The following INTU variants were observed in gnomAD, a reference collection of about 807,000 sequenced individuals.
INTU encodes inturned planar cell polarity protein, also known as protein inturned.
Under a neutral mutation model 100.5 loss-of-function variants are expected in INTU, and 68 were observed. The ratio of observed to expected loss-of-function variants is 0.68; its 90% CI spans 0.56 to 0.83. The LOEUF (loss-of-function observed/expected upper bound fraction) is 0.83, where lower values mean the gene tolerates loss of function less well. INTU is among the 40% of genes least tolerant of loss of function. INTU has a pLI of 0.00. For missense variants in INTU, 1,071 were observed against 1,114.7 expected (o/e 0.96, Z 0.56); for synonymous variants, 357 against 395.7 (o/e 0.90, Z 1.16).
intron 1 of INTU, among the ~76,000 whole-genome samples, chr4:127,640,456 A>G (rs1727261350): frequency 6.7e-6 from 1 of 149,572 alleles, no homozygotes. Flanking sequence ...AAAATGATGT[A>G]TATTTAGAAA....
chr4:127,686,307 T>G (rs1162444477), intron 7 of INTU: 1 of 152,218 alleles, frequency 6.6e-6, no homozygotes, highest in African/African-American at 2.4e-5. Context: ...CTCCAATCTG[T>G]CCATTTCTCT....
rs910073522 is a variant in INTU at position 127,704,305 on chromosome 4, G to A, written c.1566+15G>A. 6.3e-7 allele frequency: 1 copy of A among 1,591,918 alleles called. No homozygotes were observed. Among genetic ancestry groups the A allele is most frequent in the Admixed American group, 1.7e-5 (1 of 59,488 alleles). ...TATTTTACAAGGTAAGTTGAAGCTT[G>A]AAGTCTAAATGTCCAGCTGCTGTAT... is the stretch of plus-strand genomic sequence containing the variant. On this transcript the variant is annotated intron_variant, in intron 10 of 15. Transcript: ENST00000335251.
chr4:127,666,313 T>C (rs973633032), intron 4 of INTU, among the ~76,000 whole-genome samples: 9 of 152,144 alleles, frequency 5.9e-5, no homozygotes, highest in African/African-American at 2.2e-4. Context: ...GATTCTCACT[T>C]GTAATGGTTT....
At chr4:127,655,559 T>C (rs1217854511) in intron 2 of INTU, among the ~76,000 whole-genome samples, 2 of 151,702 alleles carry the variant, frequency 1.3e-5, no homozygotes, top group Non-Finnish European at 2.9e-5. Context: ...AGGGACCCAC[T>C]TGAGGAGGCA....
intron 4 of INTU, 57 bp from the exon 5 acceptor site, chr4:127,668,979 C>T: frequency 1.3e-6 from 1 of 760,086 alleles, no homozygotes; most frequent in Non-Finnish European, 2.2e-6. Context: ...TGAACTTGCC[C>T]TGACAAAGAT....
rs111641728 is a variant in INTU, at chr4:127,708,619, T to C, written c.2320T>C (p.Leu774=). Residue 774 remains leucine, a synonymous_variant, in exon 13 of 16, where the codon TTG becomes CTG. Coordinates refer to ENST00000335251, the MANE Select transcript of INTU (RefSeq NM_015693.4). ...TCCAAATCCATTTCATTTGGGAAAC[T>C]TGAAAAAGGACCTTCCAGAAAAAGA... ...TLPNPFHLGN[L]KKDLPEKELE... is the part of the protein sequence containing the mutation. 2.0e-5 allele frequency: 32 copies of C among 1,599,602 alleles called. No homozygotes were observed. The African/African-American group carries it at 4.2e-4, about 21-fold the overall frequency.
intron 1 of INTU, among the ~76,000 whole-genome samples, chr4:127,635,900 A>G (rs908403150): frequency 1.3e-5 from 2 of 152,052 alleles, no homozygotes; most frequent in Admixed American, 1.3e-4. Context: ...TGCAGTATGA[A>G]TGTTCTTTTT....
At chr4:127,633,539 C>T (rs974874169) in intron 1 of INTU, among the ~76,000 whole-genome samples, 9 of 152,092 alleles carry the variant, frequency 5.9e-5, no homozygotes, top group African/African-American at 2.2e-4. Flanking sequence ...TTTGGTGTGA[C>T]CTTTGTGGCT....
Position 127,633,020 on chromosome 4 carries a change from A to G in INTU, c.-15A>G, listed in dbSNP as rs1726901669. ...GATTTGAATTACTCCACTCGTAGCTATTGCATTCCTGACGATGGCCTCTGT... is the reference window on the plus strand; with the variant it reads ...GATTTGAATTACTCCACTCGTAGCTGTTGCATTCCTGACGATGGCCTCTGT... On this transcript the variant is annotated 5_prime_UTR_variant, in exon 1 of 16. Coordinates refer to ENST00000335251, the MANE Select transcript of INTU (RefSeq NM_015693.4). The G allele has an allele frequency of 1.9e-6, 3 of 1,609,490 alleles. No homozygotes were observed. The highest frequency in any genetic ancestry group is 2.2e-5 in the East Asian group (1 of 44,770).
At position 127,687,778 on chromosome 4, in the gene INTU, C is replaced by T. The variant is rs200782139; in HGVS notation, c.1360C>T (p.Pro454Ser). The change falls in exon 8 of 16, where the codon CCC becomes TCC. Residue 454 changes from proline to serine, a missense_variant. Physicochemically the swap from Pro to Ser is moderately conservative, Grantham distance 74. Coordinates refer to ENST00000335251, the MANE Select transcript of INTU (RefSeq NM_015693.4). ...QPAKLHSSAS[P>S]SAQQYDASSA... ...TGCGAAACTGCATTCCAGCGCCAGTCCCAGTGCTCAGCAGTACGATGCTTC... is the reference window on the plus strand; with the variant it reads ...TGCGAAACTGCATTCCAGCGCCAGTTCCAGTGCTCAGCAGTACGATGCTTC... The T allele has an allele frequency of 1.1e-4, 174 of 1,613,424 alleles. No individual in the cohort carries two copies. Among genetic ancestry groups the T allele is most frequent in the Non-Finnish European group, 1.4e-4 (168 of 1,179,644 alleles).
Position 127,643,791 on chromosome 4 carries a change from A to G in INTU, c.417A>G (p.Val139=), listed in dbSNP as rs755032881. ...AAAATAGCAATGACAATGGACCAGT[A>G]TCCATTCTAAAGCATCAGTCCAATC... ...NKKNSNDNGP[V]SILKHQSNQK... The change falls in exon 2 of 16, where the codon GTA becomes GTG. Residue 139 remains valine (V), a synonymous_variant. Transcript: ENST00000335251. 1.9e-6 allele frequency: 3 copies of G among 1,614,018 alleles called. No individual in the cohort carries two copies. The African/African-American group carries it at 4.0e-5, about 22-fold the overall frequency.
chr4:127,696,568 T>A (rs1730395660), intron 8 of INTU, among the ~76,000 whole-genome samples: 1 of 151,816 alleles, frequency 6.6e-6, no homozygotes, highest in South Asian at 2.1e-4. Flanking sequence ...GTGTCCTCTC[T>A]ATTTTTATCT....
intron 7 of INTU, chr4:127,687,085 G>A (rs957751496): frequency 7.9e-5 from 12 of 152,210 alleles, no homozygotes; most frequent in African/African-American, 2.4e-4. Context: ...TGCTTATTAT[G>A]TACTTACTGT....
At chr4:127,674,343 T>A in intron 6 of INTU, 130 bp downstream of exon 6, 1 of 646,228 alleles carries the variant, frequency 1.5e-6, no homozygotes, top group Non-Finnish European at 2.6e-6. Context: ...TCTATTGCAC[T>A]AGTAAAATAG....
intron 6 of INTU, among the ~76,000 whole-genome samples, chr4:127,678,462 G>A (rs992843913): frequency 4.4e-4 from 67 of 152,190 alleles, no homozygotes; most frequent in Non-Finnish European, 2.1e-4. Flanking sequence ...TTCTTAAAGA[G>A]AAGAATTTTC....
At chr4:127,651,400 G>C (rs1727867251) in intron 2 of INTU, among the ~76,000 whole-genome samples, 1 of 152,192 alleles carries the variant, frequency 6.6e-6, no homozygotes, top group Non-Finnish European at 1.5e-5. Flanking sequence ...TTTGTATAAG[G>C]TGTAAGGAAG....
Position 127,725,251 on chromosome 4 carries a change from G to A in INTU, c.*8815G>A, listed in dbSNP as rs2148747503. ...GAACCCAGGAAGCAGAGGCTGCAGT[G>A]AGCCTAGCTCGTGCCACTGCCACTC... On this transcript the variant is annotated 3_prime_UTR_variant, in exon 16 of 16. Coordinates refer to ENST00000335251, the MANE Select transcript of INTU (RefSeq NM_015693.4). The A allele has an allele frequency of 6.6e-6, 1 of 152,154 alleles. No homozygotes were observed. The highest frequency in any genetic ancestry group is 3.4e-3 in the Middle Eastern group (1 of 294). 9.4% of individuals were successfully genotyped at this position (152,154 alleles called of 1,614,324 possible). A position where few individuals can be genotyped will look rare whatever the true frequency, so the allele number is the denominator to read the frequency against.
intron 4 of INTU, among the ~76,000 whole-genome samples, chr4:127,667,944 A>G (rs1185558753): frequency 1.3e-5 from 2 of 152,072 alleles, no homozygotes; most frequent in African/African-American, 2.4e-5. Flanking sequence ...TATTTATTGT[A>G]TAGCGAGACC....
chr4:127,654,841 C>G (rs1199057975), intron 2 of INTU, among the ~76,000 whole-genome samples: 1 of 145,224 alleles, frequency 6.9e-6, no homozygotes, highest in South Asian at 2.4e-4. Flanking sequence ...TCCATTCTCC[C>G]CATCACTTTC....
Sources: allele counts gnomAD v4.1 joint callset (sites outside exome capture counted in the v4.1 genomes callset), GRCh38; gene constraint gnomAD v4.1.1; transcripts MANE v1.5; gene names NCBI Gene and HGNC (gene_info 2026-07-23, HGNC 2026-07-21).